DLG2: variants seen among roughly 807,000 people sequenced by gnomAD.
DLG2 encodes disks large homolog 2.
DLG2 carries 45 observed loss-of-function variants against 132.5 expected under a neutral mutation model. The observed-to-expected ratio is 0.34, with a 90% CI of 0.27 to 0.44. The LOEUF is 0.44. Ranked by LOEUF, DLG2 falls within the 20% of genes least tolerant of loss-of-function variation. DLG2 has a pLI of 1.00. For missense variants in DLG2, 1,045 were observed against 1,196.9 expected (o/e 0.87, Z 1.87); for synonymous variants, 424 against 419.6 (o/e 1.01, Z -0.13).
At chr11:84,992,423 A>C (rs558364683) in intron 6 of DLG2, among the ~76,000 whole-genome samples, 9 of 152,220 alleles carry the variant, frequency 5.9e-5, no homozygotes, top group Admixed American at 3.3e-4. Context: ...CAGTAAAATA[A>C]GAAGTTGTTA....
At chr11:85,168,513 G>A (rs1258403159) in intron 4 of DLG2, among the ~76,000 whole-genome samples, 2 of 152,066 alleles carry the variant, frequency 1.3e-5, no homozygotes, top group South Asian at 4.1e-4. Flanking sequence ...CAATTTAGGA[G>A]AATCTTAGAC....
At chr11:85,191,755 T>A (rs1043515074) in intron 4 of DLG2, among the ~76,000 whole-genome samples, 27 of 152,188 alleles carry the variant, frequency 1.8e-4, no homozygotes, top group Non-Finnish European at 1.6e-4. Context: ...GGCAGAAATA[T>A]ACTACCATTG....
chr11:84,895,288 C>T (rs2090037445), intron 6 of DLG2, among the ~76,000 whole-genome samples: 1 of 151,920 alleles, frequency 6.6e-6, no homozygotes, highest in African/African-American at 2.4e-5. Context: ...TATTTTAAAA[C>T]AAAGCAATGG....
intron 15 of DLG2, among the ~76,000 whole-genome samples, chr11:83,894,244 G>A (rs1490883205): frequency 2.0e-5 from 3 of 152,190 alleles, no homozygotes; most frequent in Non-Finnish European, 4.4e-5. Flanking sequence ...CAAATAGGAA[G>A]CAAGCCCAGT....
Position 84,318,536 on chromosome 11 carries a change from C to T in DLG2, c.520-67245G>A, listed in dbSNP as rs76778671. Among the ~76,000 whole-genome samples, 1,096 of 152,210 alleles carry T rather than the reference C, an allele frequency of 7.2e-3. 17 individuals carry two copies. Among genetic ancestry groups the T allele is most frequent in the African/African-American group, 0.025 (1,046 of 41,508 alleles). On this transcript the variant is annotated intron_variant, in intron 7 of 27. Coordinates refer to ENST00000376104, the MANE Select transcript of DLG2 (RefSeq NM_001142699.3). Reference sequence around the variant, plus strand: ...GGGGCAGTATAGGCCTGATTTTTGCCTGAGCTGGCAAGGTGCTTATTGCAA... The same window carrying T: ...GGGGCAGTATAGGCCTGATTTTTGCTTGAGCTGGCAAGGTGCTTATTGCAA...
chr11:84,250,183 A>G (rs964376231), intron 8 of DLG2, among the ~76,000 whole-genome samples: 2 of 152,140 alleles, frequency 1.3e-5, no homozygotes, highest in Admixed American at 6.5e-5. Flanking sequence ...ACAAATTTCC[A>G]TCTTATTTTG....
chr11:83,927,413 C>G (rs12798677), intron 15 of DLG2, among the ~76,000 whole-genome samples: 2 of 152,038 alleles, frequency 1.3e-5, no homozygotes, highest in East Asian at 3.9e-4. Flanking sequence ...TCTCTGAAGA[C>G]GTGCAATTTA....
intron 7 of DLG2, among the ~76,000 whole-genome samples, chr11:84,361,233 T>C (rs1258230148): frequency 6.6e-6 from 1 of 151,882 alleles, no homozygotes; most frequent in African/African-American, 2.4e-5. Flanking sequence ...TTCACAGATC[T>C]AAGAAGCTCA....
chr11:84,537,420 T>C (rs1190812851), intron 6 of DLG2, among the ~76,000 whole-genome samples: 1 of 152,212 alleles, frequency 6.6e-6, no homozygotes, highest in Non-Finnish European at 1.5e-5. Context: ...ATTACTTTTG[T>C]TCTCAACATT....
chr11:84,722,009 C>T (rs988645449), intron 6 of DLG2, among the ~76,000 whole-genome samples: 1 of 151,994 alleles, frequency 6.6e-6, no homozygotes, highest in African/African-American at 2.4e-5. Context: ...AAACTGAGCC[C>T]CTTAGTGTTA....
chr11:84,602,776 G>A (rs1040258927), intron 6 of DLG2, among the ~76,000 whole-genome samples: 1 of 151,926 alleles, frequency 6.6e-6, no homozygotes, highest in African/African-American at 2.4e-5. Flanking sequence ...TATCAGCTCT[G>A]CAGAAGATCT....
intron 18 of DLG2, among the ~76,000 whole-genome samples, chr11:83,667,445 C>T (rs2075835874): frequency 6.6e-6 from 1 of 152,088 alleles, no homozygotes; most frequent in Admixed American, 6.5e-5. Flanking sequence ...TCTGCCGATC[C>T]CAAGGTTTGG....
chr11:83,734,397 TTCCTTCCTTC>T (rs1566753493), intron 18 of DLG2, among the ~76,000 whole-genome samples: 4 of 83,272 alleles, frequency 4.8e-5, no homozygotes, highest in Admixed American at 2.1e-4. Flanking sequence ...CCTTCCTTCC[TTCCTTCCTTC>T]CCTCCCTCCT....
chr11:85,285,366 C>G lies in DLG2; in HGVS notation c.41-1G>C. On this transcript the variant is annotated splice_acceptor_variant, in intron 3 of 27. Coordinates refer to ENST00000376104, the MANE Select transcript of DLG2 (RefSeq NM_001142699.3). LOFTEE classifies it high-confidence loss of function. ...GTCACCTCATAAAATTCTTGGATATCTGTAAAGAAAATGTAAGGAAAGCAT... is the reference window on the plus strand; with the variant it reads ...GTCACCTCATAAAATTCTTGGATATGTGTAAAGAAAATGTAAGGAAAGCAT... 1 of 1,609,286 alleles carries G rather than the reference C, an allele frequency of 6.2e-7. No homozygotes were observed. Among genetic ancestry groups the G allele is most frequent in the Non-Finnish European group, 8.5e-7 (1 of 1,177,524 alleles).
chr11:83,993,814 T>C (rs946418948), intron 11 of DLG2, among the ~76,000 whole-genome samples: 1 of 152,142 alleles, frequency 6.6e-6, no homozygotes, highest in Non-Finnish European at 1.5e-5. Flanking sequence ...GTCTACACTG[T>C]CTTGGAAGTA....
intron 6 of DLG2, among the ~76,000 whole-genome samples, chr11:84,685,735 T>G (rs983602553): frequency 2.0e-5 from 3 of 152,114 alleles, no homozygotes; most frequent in Non-Finnish European, 1.5e-5. Context: ...AGACGGAGTC[T>G]CGCTCTGTCG....
intron 15 of DLG2, among the ~76,000 whole-genome samples, chr11:83,906,314 CACACA>C (rs1336267031): frequency 0.16 from 21,310 of 131,874 alleles, 2,516 homozygotes; most frequent in East Asian, 0.35. Context: ...CACACACACA[CACACA>C]CCTCGGCCTC....
At chr11:84,125,897 T>C (rs17146876) in intron 9 of DLG2, among the ~76,000 whole-genome samples, 1,794 of 152,352 alleles carry the variant, frequency 0.012, 28 homozygotes, top group African/African-American at 0.034. Context: ...AGTAATATAA[T>C]GAATTTATCT....
chr11:83,735,471 C>T (rs1377594720), intron 18 of DLG2, among the ~76,000 whole-genome samples: 2 of 152,256 alleles, frequency 1.3e-5, no homozygotes, highest in East Asian at 3.9e-4. Context: ...TTAAATCCTA[C>T]TATTCCTACT....
Sources: allele counts gnomAD v4.1 joint callset (sites outside exome capture counted in the v4.1 genomes callset), GRCh38; gene constraint gnomAD v4.1.1; transcripts MANE v1.5; gene names NCBI Gene and HGNC (gene_info 2026-07-23, HGNC 2026-07-21).